The following NID2 variants were observed in gnomAD, a reference collection of about 807,000 sequenced individuals.
NID2 encodes the protein nidogen-2.
NID2 carries 83 observed loss-of-function variants against 145.4 expected under a neutral mutation model. The ratio of observed to expected loss-of-function variants is 0.57; its 90% CI spans 0.48 to 0.69. NID2 has a LOEUF of 0.69. Among genes scored for constraint, NID2 ranks in the 30% least tolerant of loss-of-function variants. The pLI, the probability that NID2 is intolerant of heterozygous loss-of-function variation, is 0.00. For missense variants in NID2, 1,807 were observed against 1,765.7 expected (o/e 1.02, Z -0.42); for synonymous variants, 739 against 701.3 (o/e 1.05, Z -0.85).
At chr14:52,010,702 T>C in intron 18 of NID2, 174 bp downstream of exon 18, 1 of 595,816 alleles carries the variant, frequency 1.7e-6, no homozygotes, top group Non-Finnish European at 2.9e-6. Flanking sequence ...GAACAGACCT[T>C]GTCTTTTCCT....
Position 52,012,428 on chromosome 14 carries a change from G to A in NID2, c.3421-745C>T, listed in dbSNP as rs117314576. On this transcript the variant is annotated intron_variant, in intron 16 of 21. Transcript: ENST00000216286. ...AGACTGAGCAACATAGTGAGACCCC[G>A]TCTAAAAAACAAAAAATAAATGAAC... Among the ~76,000 whole-genome samples, 10 of 152,056 alleles carry A rather than the reference G, an allele frequency of 6.6e-5. No individual in the cohort carries two copies. The East Asian group carries it at 1.4e-3, about 21-fold the overall frequency.
At chr14:52,034,513 C>T (rs1378377052) in intron 9 of NID2, among the ~76,000 whole-genome samples, 1 of 152,182 alleles carries the variant, frequency 6.6e-6, no homozygotes, top group African/African-American at 2.4e-5. Flanking sequence ...CCTTACAATC[C>T]AATATCTGGG....
At chr14:52,046,396 G>A (rs1387781798) in intron 5 of NID2, among the ~76,000 whole-genome samples, 1 of 149,438 alleles carries the variant, frequency 6.7e-6, no homozygotes, top group African/African-American at 2.5e-5. Context: ...AAGCTGTTCT[G>A]CCCACAAATT....
chr14:52,032,517 G>T (rs957939656), intron 9 of NID2, among the ~76,000 whole-genome samples: 13 of 152,084 alleles, frequency 8.5e-5, no homozygotes, highest in African/African-American at 2.7e-4. Context: ...TCCTCAATAG[G>T]TTATAACTAA....
At chr14:52,030,734 C>T (rs1368516680) in intron 9 of NID2, among the ~76,000 whole-genome samples, 1 of 151,760 alleles carries the variant, frequency 6.6e-6, no homozygotes, top group Non-Finnish European at 1.5e-5. Flanking sequence ...GCTTGTAGTC[C>T]CAGCTACTCC....
In NID2 at chr14:52,065,456, C is replaced by CTTTT. The variant is rs59908743; in HGVS notation, c.534+2398_534+2401dup. ...CCCTATCCAAACAGAATCCTCCTTT[C>CTTTT]TTTTTTTTTTTTTTTCCCCTTTCTT... On this transcript the variant is annotated intron_variant, in intron 2 of 21. Transcript: ENST00000216286. Among the ~76,000 whole-genome samples, 663 of 128,638 alleles carry CTTTT rather than the reference C, an allele frequency of 5.2e-3. 12 individuals are homozygous for CTTTT. The highest frequency in any genetic ancestry group is 0.031 in the South Asian group (123 of 3,922). 84.4% of individuals were successfully genotyped at this position (128,638 alleles called of 152,430 possible).
intron 12 of NID2, among the ~76,000 whole-genome samples, chr14:52,022,173 T>C (rs1891423963): frequency 6.6e-6 from 1 of 150,614 alleles, no homozygotes; most frequent in Admixed American, 6.6e-5. Flanking sequence ...AACGGTGTGC[T>C]TAGAACCTTC....
At chr14:52,029,425 T>A in intron 10 of NID2, 122 bp downstream of exon 10, 1 of 920,852 alleles carries the variant, frequency 1.1e-6, no homozygotes, top group African/African-American at 1.6e-5. Context: ...TAACAGCTGC[T>A]AAAATCATTG....
intron 2 of NID2, among the ~76,000 whole-genome samples, chr14:52,065,142 A>G (rs1893143771): frequency 6.6e-6 from 1 of 152,216 alleles, no homozygotes; most frequent in Non-Finnish European, 1.5e-5. Context: ...ATCAGGTGCA[A>G]CATCTGGTCA....
At chr14:52,046,941 A>T (rs1892520510) in intron 5 of NID2, among the ~76,000 whole-genome samples, 1 of 152,186 alleles carries the variant, frequency 6.6e-6, no homozygotes, top group South Asian at 2.1e-4. Context: ...TCCCTCTTCC[A>T]CGCCTGCCTT....
rs1891616311 is a variant in NID2 at position 52,027,198 on chromosome 14, C to G, written c.2674+3G>C. 2.7e-6 allele frequency: 4 copies of G among 1,501,556 alleles called. No homozygotes were observed. The South Asian group carries it at 5.3e-5, about 20-fold the overall frequency. The allele number at this position is 1,501,556 out of a possible 1,614,324, so 93.0% of individuals were successfully genotyped here. On this transcript the variant is annotated splice_donor_region_variant and intron_variant, in intron 12 of 21. Transcript: ENST00000216286. ...TCATTGAGGCTGACCTGCAGTTACT[C>G]ACCAGTGCACTGGTGCCCATCGCCG...
chr14:52,029,057 G>T (rs140410498), intron 10 of NID2, among the ~76,000 whole-genome samples: 18 of 152,202 alleles, frequency 1.2e-4, no homozygotes, highest in African/African-American at 3.4e-4. Flanking sequence ...AAACACCACA[G>T]GAAGATAAAT....
At chr14:52,029,131 C>T (rs1213142881) in intron 10 of NID2, among the ~76,000 whole-genome samples, 1 of 151,964 alleles carries the variant, frequency 6.6e-6, no homozygotes, top group African/African-American at 2.4e-5. Flanking sequence ...TGGAAGAAAA[C>T]CAACAATTTT....
chr14:52,062,075 C>G (rs1595057379), intron 2 of NID2, among the ~76,000 whole-genome samples: 2 of 152,330 alleles, frequency 1.3e-5, no homozygotes, highest in African/African-American at 4.8e-5. Context: ...TCCCTTTGTT[C>G]TAAGTCTACT....
chr14:52,068,213 G>A, intron 1 of NID2, 50 bp from the exon 2 acceptor site: 2 of 1,557,692 alleles, frequency 1.3e-6, no homozygotes, highest in Non-Finnish European at 1.8e-6. Context: ...GCCCAAGGAC[G>A]CTACCCTTTC....
chr14:52,068,176 AG>A lies in NID2; in HGVS notation c.229-14del. 6.2e-7 allele frequency: 1 copy of A among 1,611,006 alleles called. No individual in the cohort carries two copies. The highest frequency in any genetic ancestry group is 8.5e-7 in the Non-Finnish European group (1 of 1,178,722). ...CGTTGGTGCCCACCTGGGAGAGGAG[AG>A]GGACAAAAAGGTGACAGTCGCTCAA... On this transcript the variant is annotated splice_polypyrimidine_tract_variant and intron_variant, in intron 1 of 21. Coordinates refer to ENST00000216286, the MANE Select transcript of NID2 (RefSeq NM_007361.4).
At chr14:52,020,383 G>A in intron 12 of NID2, 2 of 672,766 alleles carry the variant, frequency 3.0e-6, no homozygotes, top group Non-Finnish European at 4.6e-6. Context: ...GAACATGTGA[G>A]TTAACACACT....
intron 14 of NID2, 75 bp from the exon 15 acceptor site, chr14:52,015,350 A>C: frequency 7.1e-7 from 1 of 1,403,430 alleles, no homozygotes; most frequent in Non-Finnish European, 9.8e-7. Flanking sequence ...ATGTAGCTCA[A>C]GACCCCATGC....
At chr14:52,068,200 C>A (rs1893295331) in intron 1 of NID2, 37 bp from the exon 2 acceptor site, 2 of 1,592,638 alleles carry the variant, frequency 1.3e-6, no homozygotes, top group South Asian at 2.2e-5. Flanking sequence ...GACAGTCGCT[C>A]AAGCCCAAGG....
Sources: gnomAD v4.1 joint callset for allele counts (sites outside exome capture counted in the v4.1 genomes callset) on GRCh38, gnomAD v4.1.1 for gene constraint, MANE v1.5 for transcripts, NCBI Gene and HGNC (gene_info 2026-07-23, HGNC 2026-07-21) for gene names.